NCR1: variants seen among roughly 807,000 people sequenced by gnomAD.
The protein encoded by NCR1 is NK cell-activating receptor.
A neutral mutation model predicts 32.5 loss-of-function variants in NCR1; 30 were observed. The observed-to-expected ratio is 0.92, with a 90% CI of 0.69 to 1.25. The LOEUF (loss-of-function observed/expected upper bound fraction) is 1.25. Ranked by LOEUF, NCR1 falls within the 50% of genes most tolerant of loss-of-function variation. NCR1 has a pLI of 0.00. For synonymous variants in NCR1, 169 were observed against 143.4 expected, an observed-to-expected ratio of 1.18 and a Z score of -1.28; for missense variants, 369 against 380.7, an observed-to-expected ratio of 0.97 and a Z score of 0.26.
chr19:54,906,707 C>T lies in NCR1; in HGVS notation c.255C>T (p.Ile85=). ...GGATTAACAAAGTCCAATTCTACAT[C>T]CCGGACATGAACTCCCGCATGGCAG... ...PERINKVQFY[I]PDMNSRMAGQ... Residue 85 remains isoleucine (I), a synonymous_variant, in exon 3 of 7, where the codon ATC becomes ATT. Coordinates refer to ENST00000291890, the MANE Select transcript of NCR1 (RefSeq NM_004829.7). The T allele has an allele frequency of 6.2e-7, 1 of 1,614,228 alleles. No individual in the cohort carries two copies. The highest frequency in any genetic ancestry group is 8.5e-7 in the Non-Finnish European group (1 of 1,180,038).
chr19:54,938,038 A>G, the NCR1 span: 11,086 of 1,609,746 alleles, frequency 6.9e-3, 490 homozygotes, highest in African/African-American at 0.11. Context: ...ATGAGCTTCT[A>G]CTTACTCCAC....
At chr19:54,903,793 T>A (rs752369550), upstream of NCR1, among the ~76,000 whole-genome samples, 1 of 151,894 alleles carries the variant, frequency 6.6e-6, no homozygotes, top group Non-Finnish European at 1.5e-5. Flanking sequence ...GCATAGAATT[T>A]TTTTTTATTA....
chr19:54,931,064 T>C, the NCR1 span, among the ~76,000 whole-genome samples: 2 of 152,084 alleles, frequency 1.3e-5, no homozygotes, highest in Non-Finnish European at 2.9e-5. Flanking sequence ...ATATAAAACA[T>C]AGGTGGCAGG....
At position 54,911,217 on chromosome 19, in the gene NCR1, C is replaced by T. The variant is rs587612123; in HGVS notation, c.683-951C>T. On this transcript the variant is annotated intron_variant, in intron 5 of 6. Coordinates refer to ENST00000291890, the MANE Select transcript of NCR1 (RefSeq NM_004829.7). ...TACAAAAATTATCCGGGCGTGGTGG[C>T]GGGCGCCTGTAGTCCCAGCTACGCA... Among the ~76,000 whole-genome samples, 7 of 151,892 alleles carry T rather than the reference C, an allele frequency of 4.6e-5. No individual in the cohort carries two copies. The East Asian group carries it at 1.2e-3, about 25-fold the overall frequency.
rs779621907 is a variant in NCR1 at position 54,909,331 on chromosome 19, A to C, written c.442A>C (p.Thr148Pro). 18 of 1,613,908 alleles carry C rather than the reference A, an allele frequency of 1.1e-5. No individual in the cohort carries two copies. In the East Asian group the frequency reaches 2.0e-4, roughly 18 times the overall value. The part of the protein sequence containing the change: ...EKVTFYCRLD[T>P]ATSMFLLLKE... ...GGTGACCTTCTACTGCCGTCTAGACACTGCAACAAGCATGTTCTTACTGCT... is the reference window on the plus strand; with the variant it reads ...GGTGACCTTCTACTGCCGTCTAGACCCTGCAACAAGCATGTTCTTACTGCT... The change falls in exon 4 of 7, where the codon ACT becomes CCT. Residue 148 changes from threonine to proline, a missense_variant. By Grantham distance (38) the Thr-to-Pro change is conservative. Transcript: ENST00000291890.
downstream of NCR1, chr19:54,913,077 G>A: frequency 2.0e-6 from 1 of 490,624 alleles, no homozygotes; most frequent in Non-Finnish European, 3.6e-6. Context: ...TTTTGAGACA[G>A]AGTTTTCTCT....
At chr19:54,929,971 C>T in the NCR1 span, among the ~76,000 whole-genome samples, 1 of 151,514 alleles carries the variant, frequency 6.6e-6, no homozygotes, top group African/African-American at 2.4e-5. Context: ...AAAAATTAGC[C>T]AGGCACGGTG....
chr19:54,913,049 A>G lies in NCR1; in HGVS notation c.*178A>G. ...GCAGAGGGTGGGAGAACTACATGCTAAATTTCTTTTTTTTTTTTTTTGAGA... is the reference window on the plus strand; with the variant it reads ...GCAGAGGGTGGGAGAACTACATGCTGAATTTCTTTTTTTTTTTTTTTGAGA... On this transcript the variant is annotated 3_prime_UTR_variant, in exon 7 of 7. Coordinates refer to ENST00000291890, the MANE Select transcript of NCR1 (RefSeq NM_004829.7). 1.9e-6 allele frequency: 1 copy of G among 520,652 alleles called. No individual in the cohort carries two copies. Among genetic ancestry groups the G allele is most frequent in the Non-Finnish European group, 3.1e-6 (1 of 319,408 alleles). 32.3% of individuals were successfully genotyped at this position (520,652 alleles called of 1,614,324 possible). A position where few individuals can be genotyped will look rare whatever the true frequency, so the allele number is the denominator to read the frequency against.
the NCR1 span, among the ~76,000 whole-genome samples, chr19:54,900,167 G>A: frequency 6.6e-6 from 1 of 152,198 alleles, no homozygotes; most frequent in South Asian, 2.1e-4. Flanking sequence ...CCCCTGATTC[G>A]AGTTATGGCA....
chr19:54,922,341 A>C, the NCR1 span, among the ~76,000 whole-genome samples: 1 of 152,172 alleles, frequency 6.6e-6, no homozygotes, highest in African/African-American at 2.4e-5. Context: ...AGTGACTTCT[A>C]TGCATTTTCT....
downstream of NCR1, among the ~76,000 whole-genome samples, chr19:54,919,190 G>A (rs977383923): frequency 3.3e-5 from 5 of 151,860 alleles, no homozygotes; most frequent in African/African-American, 7.3e-5. Flanking sequence ...GTGCGGCGAC[G>A]AGAGAGTGTA....
At chr19:54,917,500 A>C (rs2146109231), downstream of NCR1, among the ~76,000 whole-genome samples, 1 of 151,998 alleles carries the variant, frequency 6.6e-6, no homozygotes, top group East Asian at 2.0e-4. Flanking sequence ...TTGTATTTTT[A>C]GTGGAGATGG....
intron 5 of NCR1, 54 bp downstream of exon 5, chr19:54,910,119 A>AGGATCTGAAGGATGCTGC: frequency 6.5e-7 from 1 of 1,541,142 alleles, no homozygotes; most frequent in Non-Finnish European, 8.9e-7. Context: ...TCCCAGTGAC[A>AGGATCTGAAGGATGCTGC]CTAAAAACGT....
chr19:54,901,060 G>A, the NCR1 span, among the ~76,000 whole-genome samples: 7 of 149,584 alleles, frequency 4.7e-5, no homozygotes, highest in South Asian at 4.2e-4. Flanking sequence ...CGAGAAGGGC[G>A]GATCACGAGG....
chr19:54,903,082 A>G (rs2067329323), upstream of NCR1, among the ~76,000 whole-genome samples: 1 of 151,868 alleles, frequency 6.6e-6, no homozygotes, highest in Admixed American at 6.6e-5. Context: ...GTGAGCTGAG[A>G]TTGCACCACT....
At chr19:54,932,771 T>G in the NCR1 span, among the ~76,000 whole-genome samples, 1 of 151,916 alleles carries the variant, frequency 6.6e-6, no homozygotes, top group African/African-American at 2.4e-5. Flanking sequence ...TTCTCCTACC[T>G]CAGCCTTCTG....
chr19:54,927,268 C>G, the NCR1 span, among the ~76,000 whole-genome samples: 2 of 151,530 alleles, frequency 1.3e-5, no homozygotes, highest in Admixed American at 1.3e-4. Context: ...GTAATTCCAG[C>G]TACTTGGGAG....
chr19:54,935,565 G>A, the NCR1 span, among the ~76,000 whole-genome samples: 2 of 146,494 alleles, frequency 1.4e-5, no homozygotes, highest in Admixed American at 1.4e-4. Flanking sequence ...GCGTGGTGGT[G>A]CACGCCTGTA....
At chr19:54,930,443 C>A in the NCR1 span, 13 of 1,277,214 alleles carry the variant, frequency 1.0e-5, 1 homozygote, top group South Asian at 1.6e-4. Flanking sequence ...GGCTGGGGGA[C>A]AGAGCAAGAC....
Sources: allele counts gnomAD v4.1 joint callset (sites outside exome capture counted in the v4.1 genomes callset), GRCh38; gene constraint gnomAD v4.1.1; transcripts MANE v1.5; gene names NCBI Gene and HGNC (gene_info 2026-07-23, HGNC 2026-07-21).